DPY19L1: variants seen among roughly 807,000 people sequenced by gnomAD.
DPY19L1 encodes dpy-19 like C-mannosyltransferase 1.
Under a neutral mutation model 96.9 loss-of-function variants are expected in DPY19L1, and 35 were observed. The observed-to-expected ratio is 0.36, with a 90% CI of 0.28 to 0.48. The LOEUF (loss-of-function observed/expected upper bound fraction) is 0.48. Ranked by LOEUF, DPY19L1 falls within the 20% of genes least tolerant of loss-of-function variation. The pLI, the probability that DPY19L1 is intolerant of heterozygous loss-of-function variation, is 0.99. For missense variants in DPY19L1, 521 were observed against 777.9 expected, an observed-to-expected ratio of 0.67 and a Z score of 3.93; for synonymous variants, 205 against 252.6, an observed-to-expected ratio of 0.81 and a Z score of 1.79.
intron 6 of DPY19L1, among the ~76,000 whole-genome samples, chr7:34,998,134 A>G (rs1212330540): frequency 2.0e-5 from 3 of 152,238 alleles, no homozygotes; most frequent in East Asian, 1.9e-4. Context: ...AAGATAACAG[A>G]GAACAGAAAA....
At chr7:35,023,833 CTTTTT>C (rs755619806) in intron 1 of DPY19L1, among the ~76,000 whole-genome samples, 4 of 111,810 alleles carry the variant, frequency 3.6e-5, no homozygotes, top group Non-Finnish European at 7.2e-5. Flanking sequence ...CTTTTCTTTT[CTTTTT>C]TTTTTTTTTT....
intron 10 of DPY19L1, among the ~76,000 whole-genome samples, chr7:34,963,020 C>T (rs1191537282): frequency 2.0e-5 from 3 of 151,646 alleles, no homozygotes; most frequent in Non-Finnish European, 2.9e-5. Context: ...CATGGTGAAC[C>T]CTCATCTCTA....
At chr7:34,992,022 G>A (rs1785179603) in intron 6 of DPY19L1, among the ~76,000 whole-genome samples, 1 of 152,130 alleles carries the variant, frequency 6.6e-6, no homozygotes, top group African/African-American at 2.4e-5. Flanking sequence ...TGGCACGTTT[G>A]TTTCGGCAGG....
At chr7:35,032,170 T>A (rs1354783334) in intron 1 of DPY19L1, among the ~76,000 whole-genome samples, 1 of 152,196 alleles carries the variant, frequency 6.6e-6, no homozygotes. Context: ...CACAAAATGT[T>A]AGGGTTTCTC....
rs367843166 is a variant in DPY19L1 at position 34,933,263 on chromosome 7, C to T, written c.2091-1534G>A. Among the ~76,000 whole-genome samples the T allele has an allele frequency of 6.6e-5, 10 of 152,162 alleles. No homozygotes were observed. In the East Asian group the frequency reaches 1.9e-3, roughly 29 times the overall value. On this transcript the variant is annotated intron_variant, in intron 21 of 21. Transcript: ENST00000638088. ...CACCACCAGAGCAGTGTAAAGTGTA[C>T]CCAATGTGTAGTCTTTTATCCCTCA...
intron 10 of DPY19L1, among the ~76,000 whole-genome samples, chr7:34,963,227 A>G (rs1784540057): frequency 6.6e-6 from 1 of 151,816 alleles, no homozygotes; most frequent in African/African-American, 2.4e-5. Context: ...AATTTGCTAT[A>G]AACCTAAAAC....
chr7:35,014,234 C>A (rs1211521261), intron 3 of DPY19L1, among the ~76,000 whole-genome samples: 1 of 152,100 alleles, frequency 6.6e-6, no homozygotes, highest in African/African-American at 2.4e-5. Flanking sequence ...TCGGGTGCCA[C>A]CTAATTTTAC....
At chr7:34,941,606 G>T (rs998010369) in intron 18 of DPY19L1, among the ~76,000 whole-genome samples, 159 bp downstream of exon 18, 1 of 152,186 alleles carries the variant, frequency 6.6e-6, no homozygotes, top group Non-Finnish European at 1.5e-5. Context: ...GATAGAAAAT[G>T]ATCAGCTTTG....
intron 7 of DPY19L1, among the ~76,000 whole-genome samples, chr7:34,975,294 C>T (rs1052794334): frequency 6.6e-6 from 1 of 152,148 alleles, no homozygotes; most frequent in African/African-American, 2.4e-5. Context: ...AGTGAAACAA[C>T]CTTATTGCTG....
chr7:34,987,515 C>A (rs1317376238), intron 7 of DPY19L1, among the ~76,000 whole-genome samples: 1 of 152,044 alleles, frequency 6.6e-6, no homozygotes, highest in Non-Finnish European at 1.5e-5. Flanking sequence ...ATGCTATCTT[C>A]ACATGTAGTG....
intron 10 of DPY19L1, among the ~76,000 whole-genome samples, chr7:34,959,898 A>AAT (rs368552911): frequency 3.8e-4 from 24 of 62,390 alleles, no homozygotes; most frequent in East Asian, 1.7e-3. Context: ...TTTGTATATA[A>AAT]ATATATATAT....
intron 1 of DPY19L1, among the ~76,000 whole-genome samples, chr7:35,033,876 T>G (rs1422172712): frequency 2.0e-5 from 3 of 151,900 alleles, no homozygotes; most frequent in Non-Finnish European, 4.4e-5. Flanking sequence ...GGAGACATTT[T>G]CGTTGTCACT....
chr7:35,031,527 T>C (rs1031857300), intron 1 of DPY19L1, among the ~76,000 whole-genome samples: 5 of 151,906 alleles, frequency 3.3e-5, no homozygotes, highest in Non-Finnish European at 7.4e-5. Context: ...AACACACTCA[T>C]TAAGAGAAAT....
At chr7:35,023,840 T>C (rs1352727970) in intron 1 of DPY19L1, among the ~76,000 whole-genome samples, 5 of 143,116 alleles carry the variant, frequency 3.5e-5, no homozygotes, top group South Asian at 2.2e-4. Context: ...TTTCTTTTTT[T>C]TTTTTTTTTT....
Position 35,010,501 on chromosome 7 carries a change from A to G in DPY19L1, c.731T>C (p.Met244Thr), listed in dbSNP as rs753644659. Residue 244 changes from methionine to threonine, a missense_variant, in exon 6 of 22, where the codon ATG becomes ACG. Transcript: ENST00000638088. ...AVIFILNGLM[M>T]ALFFIYGTYL... is the part of the protein sequence containing the mutation. ...TGTGCCATATATGAAGAATAATGCC[A>G]TCATTAGTCCATTTAAAATAAAAAT... The G allele has an allele frequency of 1.2e-6, 2 of 1,607,480 alleles. No individual in the cohort carries two copies. The highest frequency in any genetic ancestry group is 1.1e-5 in the South Asian group (1 of 90,468).
intron 13 of DPY19L1, among the ~76,000 whole-genome samples, chr7:34,953,638 C>T (rs1476537600): frequency 5.3e-5 from 8 of 152,094 alleles, no homozygotes; most frequent in East Asian, 1.9e-4. Context: ...CCGAATTTTC[C>T]GCTAGACCAT....
intron 7 of DPY19L1, among the ~76,000 whole-genome samples, chr7:34,988,615 T>G (rs565689023): frequency 6.6e-6 from 1 of 152,204 alleles, no homozygotes; most frequent in East Asian, 1.9e-4. Context: ...TTGGAGATGA[T>G]TACTGTTATA....
intron 1 of DPY19L1, among the ~76,000 whole-genome samples, chr7:35,034,173 T>C (rs56384460): frequency 0.026 from 4,001 of 152,310 alleles, 84 homozygotes; most frequent in Middle Eastern, 0.088. Context: ...CTTGTTTTAT[T>C]GTTGTGTATA....
At chr7:34,982,178 T>G (rs1784953035) in intron 7 of DPY19L1, among the ~76,000 whole-genome samples, 1 of 152,146 alleles carries the variant, frequency 6.6e-6, no homozygotes, top group African/African-American at 2.4e-5. Context: ...AATAAAATCA[T>G]CAAAGAATTT....
Sources: gnomAD v4.1 joint callset for allele counts (sites outside exome capture counted in the v4.1 genomes callset) on GRCh38, gnomAD v4.1.1 for gene constraint, MANE v1.5 for transcripts, NCBI Gene and HGNC (gene_info 2026-07-23, HGNC 2026-07-21) for gene names.